The following NTM variants were observed in gnomAD, a reference collection of about 807,000 sequenced individuals.
NTM encodes the protein IgLON family member 2.
Under a neutral mutation model 42.1 loss-of-function variants are expected in NTM, and 13 were observed. The ratio of observed to expected loss-of-function variants is 0.31; its 90% CI spans 0.20 to 0.49. The LOEUF (loss-of-function observed/expected upper bound fraction) is 0.49. Ranked by LOEUF, NTM falls within the 20% of genes least tolerant of loss-of-function variation. The probability of loss-of-function intolerance (pLI) is 0.99; values close to 1 mark genes in which losing one functional copy is unlikely to be tolerated. For synonymous variants in NTM, 187 were observed against 179.2 expected, an observed-to-expected ratio of 1.04 and a Z score of -0.35; for missense variants, 373 against 452.8, an observed-to-expected ratio of 0.82 and a Z score of 1.60.
rs966082442 is a variant in NTM at position 131,859,131 on chromosome 11, C to T, written c.83-52433C>T. ...GTGTGCATCCGTCTGTCCGTCTGTC[C>T]GTCCATTCATCCGAGAGACACATCG... is the stretch of plus-strand genomic sequence containing the variant. On this transcript the variant is annotated intron_variant, in intron 1 of 8. Coordinates refer to ENST00000683400, the MANE Select transcript of NTM (RefSeq NM_001352005.2). Among the ~76,000 whole-genome samples the T allele has an allele frequency of 3.9e-5, 6 of 152,302 alleles. No individual in the cohort carries two copies. In the East Asian group the frequency reaches 7.7e-4, roughly 20 times the overall value.
chr11:132,168,010 C>T (rs553367296), intron 3 of NTM, among the ~76,000 whole-genome samples: 4 of 152,240 alleles, frequency 2.6e-5, no homozygotes, highest in African/African-American at 9.6e-5. Flanking sequence ...ATTCCGTTTT[C>T]CTGCAGCTCA....
intron 1 of NTM, among the ~76,000 whole-genome samples, chr11:131,555,790 C>T (rs1173704075): frequency 6.6e-6 from 1 of 152,108 alleles, no homozygotes; most frequent in Non-Finnish European, 1.5e-5. Flanking sequence ...CCGTGGGGCA[C>T]AGAACCGCTT....
rs756294033 is a variant in NTM, at chr11:131,808,509, T to G, written c.83-103055T>G. On this transcript the variant is annotated intron_variant, in intron 1 of 8. Coordinates refer to ENST00000683400, the MANE Select transcript of NTM (RefSeq NM_001352005.2). ...TCTCTGTGAACTTAAGAAAGCCATA[T>G]CTGTTAAAAATAAGTTCAATCAAAA... 6.8e-4 allele frequency among the ~76,000 whole-genome samples: 104 copies of G among 152,172 alleles called. 1 individual carries two copies. Among genetic ancestry groups the G allele is most frequent in the Non-Finnish European group, 8.4e-4 (57 of 68,022 alleles).
At chr11:132,189,221 C>T (rs1372646306) in intron 3 of NTM, among the ~76,000 whole-genome samples, 2 of 151,996 alleles carry the variant, frequency 1.3e-5, no homozygotes, top group Non-Finnish European at 2.9e-5. Context: ...TCTTTTTAAG[C>T]CTCTAGATAG....
Position 132,002,475 on chromosome 11 carries a change from C to T in NTM, c.167+90827C>T, listed in dbSNP as rs533816672. On this transcript the variant is annotated intron_variant, in intron 2 of 8. Transcript: ENST00000683400. This position sits in a 1 kb window ranked among gnomAD's most constrained non-coding sequence, Gnocchi z 4.5. ...TGTCAGTGATCAACAATTAACCCTA[C>T]GTCTCAATTCATCATAAGCAAATAC... is the stretch of plus-strand genomic sequence containing the variant. Among the ~76,000 whole-genome samples the T allele has an allele frequency of 2.8e-4, 42 of 152,206 alleles. 2 individuals are homozygous for T. The South Asian group carries it at 6.9e-3, about 25-fold the overall frequency.
intron 1 of NTM, among the ~76,000 whole-genome samples, chr11:131,511,473 T>C (rs2048239136): frequency 6.6e-6 from 1 of 152,224 alleles, no homozygotes; most frequent in Admixed American, 6.5e-5. Context: ...CTCATTTCCC[T>C]CCCTGCTTAA....
intron 1 of NTM, among the ~76,000 whole-genome samples, chr11:131,789,539 GAAGAAGAAA>G (rs2090233792): frequency 4.5e-5 from 1 of 22,410 alleles, no homozygotes; most frequent in Non-Finnish European, 7.6e-5. Context: ...AGAAGAAGAA[GAAGAAGAAA>G]AGAAGAAGAA....
chr11:131,722,743 GA>G (rs1213693622), intron 1 of NTM, among the ~76,000 whole-genome samples: 4 of 152,160 alleles, frequency 2.6e-5, no homozygotes, highest in Non-Finnish European at 5.9e-5. Context: ...CTCCCATGAT[GA>G]TTAGCTGGCC....
intron 1 of NTM, among the ~76,000 whole-genome samples, chr11:131,480,637 A>C (rs1953471780): frequency 6.6e-6 from 1 of 152,218 alleles, no homozygotes; most frequent in African/African-American, 2.4e-5. Flanking sequence ...CCTATAGAGC[A>C]GATTGTGGGA....
At position 131,743,120 on chromosome 11, in the gene NTM, A is replaced by C. The variant is rs148267358; in HGVS notation, c.83-168444A>C. Among the ~76,000 whole-genome samples the C allele has an allele frequency of 3.6e-4, 55 of 152,330 alleles. No individual in the cohort carries two copies. In the East Asian group the frequency reaches 0.01, roughly 29 times the overall value. ...CATAATGTATGCCATTGTCTCAACAAAAGTTGGGACTTTAGACATATATTT... is the reference window on the plus strand; with the variant it reads ...CATAATGTATGCCATTGTCTCAACACAAGTTGGGACTTTAGACATATATTT... On this transcript the variant is annotated intron_variant, in intron 1 of 8. Coordinates refer to ENST00000683400, the MANE Select transcript of NTM (RefSeq NM_001352005.2).
At chr11:132,256,842 C>T (rs139070606) in intron 4 of NTM, among the ~76,000 whole-genome samples, 185 of 152,278 alleles carry the variant, frequency 1.2e-3, no homozygotes, top group South Asian at 6.2e-3. Context: ...CCCACGGACC[C>T]GTGTTATCGT....
intron 2 of NTM, among the ~76,000 whole-genome samples, chr11:132,116,954 A>G (rs1354029096): frequency 2.6e-5 from 4 of 152,352 alleles, no homozygotes; most frequent in Non-Finnish European, 5.9e-5. Context: ...GAAACTATCC[A>G]TCGAGGACAA....
chr11:131,513,504 G>T (rs1334379587), intron 1 of NTM, among the ~76,000 whole-genome samples: 1 of 152,216 alleles, frequency 6.6e-6, no homozygotes, highest in African/African-American at 2.4e-5. Context: ...TGAGGGGAAG[G>T]TGCAGGAATT....
At chr11:132,225,229 T>A (rs1203136771) in intron 4 of NTM, among the ~76,000 whole-genome samples, 1 of 152,090 alleles carries the variant, frequency 6.6e-6, no homozygotes, top group Non-Finnish European at 1.5e-5. Flanking sequence ...CTCATCGGGC[T>A]GCAGTATGGG....
chr11:131,635,670 TTTTATTAATTTAGTGTA>T (rs2064277350), intron 1 of NTM, among the ~76,000 whole-genome samples: 3 of 152,162 alleles, frequency 2.0e-5, no homozygotes, highest in African/African-American at 4.8e-5. Flanking sequence ...TGTATTTAAT[TTTTATTAATTTAGTGTA>T]TTTATTAATT....
chr11:131,446,698 G>T (rs1164805540), intron 1 of NTM, among the ~76,000 whole-genome samples: 1 of 152,184 alleles, frequency 6.6e-6, no homozygotes, highest in Non-Finnish European at 1.5e-5. Context: ...CTGACTCAAG[G>T]TTTGGGATCA....
chr11:131,597,623 G>A (rs1047583979), intron 1 of NTM, among the ~76,000 whole-genome samples: 22 of 152,200 alleles, frequency 1.4e-4, no homozygotes, highest in African/African-American at 5.1e-4. Flanking sequence ...ACCTTTGAGG[G>A]CAATGGTCCT....
intron 1 of NTM, among the ~76,000 whole-genome samples, chr11:131,383,054 A>G (rs925393492): frequency 3.9e-5 from 6 of 152,100 alleles, no homozygotes; most frequent in African/African-American, 1.4e-4. Context: ...AACACTTAAA[A>G]CTTTATTGCC....
At chr11:131,925,615 G>A (rs970406105) in intron 2 of NTM, among the ~76,000 whole-genome samples, 4 of 152,020 alleles carry the variant, frequency 2.6e-5, no homozygotes, top group African/African-American at 9.7e-5. Flanking sequence ...AGACTCCTGG[G>A]ATCAAGTGAT....
Sources: allele counts gnomAD v4.1 joint callset (sites outside exome capture counted in the v4.1 genomes callset), GRCh38; gene constraint gnomAD v4.1.1; non-coding constraint Gnocchi (gnomAD v3.1); transcripts MANE v1.5; gene names NCBI Gene and HGNC (gene_info 2026-07-23, HGNC 2026-07-21).